Variants in CNNM4 observed in about 807,000 individuals in gnomAD.
The protein encoded by CNNM4 is cyclin and CBS domain divalent metal cation transport mediator 4, also known as metal transporter CNNM4.
In CNNM4, 32 loss-of-function variants were observed where a neutral mutation model predicts 53.7. That is an observed-to-expected ratio of 0.60 (90% CI 0.45 to 0.80). The LOEUF is 0.80. CNNM4 is among the 30% of genes least tolerant of loss of function. The probability of loss-of-function intolerance (pLI) is 0.00; values close to 1 mark genes in which losing one functional copy is unlikely to be tolerated. For synonymous variants in CNNM4, 410 were observed against 440.0 expected (o/e 0.93, Z 0.85); for missense variants, 784 against 1,022.0 (o/e 0.77, Z 3.17).
intron 1 of CNNM4, among the ~76,000 whole-genome samples, chr2:96,768,567 C>CT (rs2153344218): frequency 6.6e-6 from 1 of 152,184 alleles, no homozygotes; most frequent in East Asian, 1.9e-4. Context: ...TTGTGAAAGT[C>CT]TGAGGTTTCT....
Position 96,809,406 on chromosome 2 carries a change from C to G in CNNM4, c.2217C>G (p.His739Gln). 2.5e-6 allele frequency: 4 copies of G among 1,614,222 alleles called. No individual in the cohort carries two copies. The South Asian group carries it at 4.4e-5, about 18-fold the overall frequency. Residue 739 changes from histidine (H) to glutamine (Q), a missense_variant, in exon 7 of 7, where the codon CAC (histidine) becomes CAG (glutamine). His to Gln is a conservative substitution (Grantham distance 24). This residue lies in a region of CNNM4 where 307 missense variants were observed against 376.3 expected (regional missense o/e 0.82). Transcript: ENST00000377075. Reference protein sequence around the residue: ...PQFPIDGCTTHMENLAEKSEL... With the variant: ...PQFPIDGCTTQMENLAEKSEL... ...TTCCCATAGACGGGTGCACCACCCA[C>G]ATGGAGAACTTGGCCGAGAAGTCTG...
chr2:96,785,573 G>A (rs1186310678), intron 1 of CNNM4, among the ~76,000 whole-genome samples: 3 of 152,162 alleles, frequency 2.0e-5, no homozygotes, highest in Non-Finnish European at 4.4e-5. Context: ...CGAGGCTACA[G>A]TGAGCTGTGA....
chr2:96,799,754 G>T (rs2079142111), intron 5 of CNNM4, 106 bp downstream of exon 5: 4 of 1,005,488 alleles, frequency 4.0e-6, no homozygotes, highest in African/African-American at 1.6e-5. Flanking sequence ...ATAGCCAGCT[G>T]GCTGGGGCAG....
At chr2:96,770,835 G>A (rs2078862516) in intron 1 of CNNM4, among the ~76,000 whole-genome samples, 1 of 152,218 alleles carries the variant, frequency 6.6e-6, no homozygotes, top group Non-Finnish European at 1.5e-5. Flanking sequence ...GCCATGGAGA[G>A]TGTGTATGGA....
chr2:96,796,927 CCTACGT>C (rs1345306085), intron 1 of CNNM4, 79 bp from the exon 2 acceptor site: 2 of 1,427,712 alleles, frequency 1.4e-6, no homozygotes, highest in Non-Finnish European at 1.9e-6. Context: ...GACTTATGAC[CCTACGT>C]CTAGAGTTAA....
chr2:96,762,113 A>T lies in CNNM4; in HGVS notation c.1114A>T (p.Thr372Ser). Residue 372 changes from threonine (T) to serine (S), a missense_variant, in exon 1 of 7, where the codon ACT (threonine) becomes TCT (serine). Physicochemically the swap from Thr to Ser is moderately conservative, Grantham distance 58. Around this residue, in one of 3 missense-constraint regions of CNNM4, gnomAD observed 473 missense variants for 624.6 expected, o/e 0.76. Coordinates refer to ENST00000377075, the MANE Select transcript of CNNM4 (RefSeq NM_020184.4). ...IQGALELRTK[T>S]VEDIMTQLQD... The stretch of plus-strand genomic sequence containing the variant: ...GGGTGCCCTGGAACTACGGACCAAA[A>T]CTGTAGAGGATATCATGACCCAGCT... 6.2e-7 allele frequency: 1 copy of T among 1,614,004 alleles called. No individual in the cohort carries two copies. The highest frequency in any genetic ancestry group is 2.2e-5 in the East Asian group (1 of 44,876).
chr2:96,771,501 T>C (rs1397072890), intron 1 of CNNM4, among the ~76,000 whole-genome samples: 1 of 152,030 alleles, frequency 6.6e-6, no homozygotes, highest in Non-Finnish European at 1.5e-5. Context: ...GGTCAGGAGT[T>C]CAAGACCAGC....
At chr2:96,783,962 C>T (rs187050412) in intron 1 of CNNM4, among the ~76,000 whole-genome samples, 213 of 152,198 alleles carry the variant, frequency 1.4e-3, no homozygotes, top group African/African-American at 5.0e-3. Context: ...TATATATATC[C>T]ATTTTAAAAC....
chr2:96,796,379 A>G (rs187848440), intron 1 of CNNM4, among the ~76,000 whole-genome samples: 135 of 151,898 alleles, frequency 8.9e-4, no homozygotes, highest in African/African-American at 3.0e-3. Context: ...TCCTGGCCTC[A>G]AGCAATCTGC....
intron 1 of CNNM4, among the ~76,000 whole-genome samples, chr2:96,783,382 G>A (rs964730760): frequency 1.4e-4 from 21 of 152,212 alleles, no homozygotes; most frequent in Admixed American, 7.9e-4. Flanking sequence ...CGCTGATGGT[G>A]CTGGTAGGAC....
chr2:96,773,798 A>T (rs1242670737), intron 1 of CNNM4, among the ~76,000 whole-genome samples: 1 of 151,130 alleles, frequency 6.6e-6, no homozygotes, highest in Non-Finnish European at 1.5e-5. Context: ...AGCCAAGATC[A>T]TGCCACTGCA....
intron 1 of CNNM4, among the ~76,000 whole-genome samples, chr2:96,765,671 A>G (rs188860392): frequency 6.6e-6 from 1 of 152,028 alleles, no homozygotes; most frequent in East Asian, 1.9e-4. Flanking sequence ...TAGTGTTTTC[A>G]CCACTCAGTG....
In CNNM4 at chr2:96,785,869, C is replaced by T. The variant is rs1486013679; in HGVS notation, c.1403-11143C>T. Among the ~76,000 whole-genome samples, 3 of 151,808 alleles carry T rather than the reference C, an allele frequency of 2.0e-5. No homozygotes were observed. In the East Asian group the frequency reaches 5.8e-4, roughly 30 times the overall value. On this transcript the variant is annotated intron_variant, in intron 1 of 6. Transcript: ENST00000377075. Reference sequence around the variant, plus strand: ...TTTGGGAGGCTGAAGCGGTGGATCACGAGGTCAGGAGATCCAGACCATCCT... The same window carrying T: ...TTTGGGAGGCTGAAGCGGTGGATCATGAGGTCAGGAGATCCAGACCATCCT...
chr2:96,770,611 C>T (rs1176249672), intron 1 of CNNM4, among the ~76,000 whole-genome samples: 1 of 152,224 alleles, frequency 6.6e-6, no homozygotes, highest in African/African-American at 2.4e-5. Flanking sequence ...GCTTCCCCTC[C>T]TTTTCTAGAC....
intron 1 of CNNM4, among the ~76,000 whole-genome samples, chr2:96,767,523 A>AC (rs1288290667): frequency 1.3e-5 from 2 of 151,916 alleles, no homozygotes; most frequent in Admixed American, 6.6e-5. Flanking sequence ...AGAGCTCTGC[A>AC]CCCCCCTTGC....
At chr2:96,809,244 C>A (rs747431255) in intron 6 of CNNM4, 76 bp from the exon 7 acceptor site, 8 of 1,592,338 alleles carry the variant, frequency 5.0e-6, no homozygotes, top group Non-Finnish European at 6.8e-6. Context: ...TCAATCCTGG[C>A]CCTGTTTCTC....
chr2:96,777,868 G>T (rs2078940111), intron 1 of CNNM4, among the ~76,000 whole-genome samples: 2 of 149,768 alleles, frequency 1.3e-5, no homozygotes, highest in South Asian at 4.2e-4. Context: ...TGAACTCTCT[G>T]CCTTTTTTTT....
At position 96,801,003 on chromosome 2, in the gene CNNM4, G is replaced by C; in HGVS notation, c.1948+1355G>C. The C allele has an allele frequency of 1.3e-6, 1 of 743,572 alleles. No homozygotes were observed. The highest frequency in any genetic ancestry group is 1.6e-6 in the Non-Finnish European group (1 of 609,352). 46.1% of individuals were successfully genotyped at this position (743,572 alleles called of 1,614,324 possible). A position where few individuals can be genotyped will look rare whatever the true frequency, so the allele number is the denominator to read the frequency against. ...GCCTGGCCCCGTCAGGTCTGCCTCT[G>C]TCCTGTGCCTGTGGTTCCGTGTCCT... On this transcript the variant is annotated intron_variant, in intron 5 of 6. Transcript: ENST00000377075. The surrounding 1 kb of genome is among the most constrained non-coding windows in gnomAD (Gnocchi z 5.6).
chr2:96,790,055 G>A (rs1229084485), intron 1 of CNNM4, among the ~76,000 whole-genome samples: 3 of 125,372 alleles, frequency 2.4e-5, no homozygotes, highest in African/African-American at 9.4e-5. Flanking sequence ...TGCCCAGGCT[G>A]GAGTGCAGTG....
Sources: gnomAD v4.1 joint callset for allele counts (sites outside exome capture counted in the v4.1 genomes callset) on GRCh38, gnomAD v4.1.1 for gene constraint, gnomAD v4.1.1 regional missense constraint, Gnocchi (gnomAD v3.1) non-coding constraint, MANE v1.5 for transcripts, NCBI Gene and HGNC (gene_info 2026-07-23, HGNC 2026-07-21) for gene names.